The following MEGF11 variants were observed in gnomAD, a reference collection of about 807,000 sequenced individuals.
MEGF11 encodes the protein multiple epidermal growth factor-like domains protein 11.
Under a neutral mutation model 146.6 loss-of-function variants are expected in MEGF11, and 126 were observed. The ratio of observed to expected loss-of-function variants is 0.86; its 90% CI spans 0.74 to 1.00. The LOEUF is 1.00. Ranked by LOEUF, MEGF11 falls within the 50% of genes least tolerant of loss-of-function variation. The pLI is 0.00. For synonymous variants in MEGF11, 532 were observed against 583.4 expected (o/e 0.91, Z 1.27); for missense variants, 1,509 against 1,521.2 (o/e 0.99, Z 0.13).
Position 65,915,565 on chromosome 15 carries a change from T to C in MEGF11, c.2378A>G (p.Gln793Arg). The change falls in exon 19 of 26, where the codon CAG becomes CGG. Residue 793 changes from glutamine (Q) to arginine (R), a missense_variant. Transcript: ENST00000395614. Reference sequence around the variant, plus strand: ...GTTGTTCATGCACTCACATAGCTGCTGACACCCATAGCCAAAGGTTCCTGG... The same window carrying C: ...GTTGTTCATGCACTCACATAGCTGCCGACACCCATAGCCAAAGGTTCCTGG... The part of the protein sequence containing the change: ...CAPGTFGYGC[Q>R]QLCECMNNST... The C allele has an allele frequency of 1.9e-6, 3 of 1,613,988 alleles. No individual in the cohort carries two copies. Among genetic ancestry groups the C allele is most frequent in the Non-Finnish European group, 2.5e-6 (3 of 1,179,890 alleles).
intron 4 of MEGF11, among the ~76,000 whole-genome samples, chr15:66,112,132 T>A (rs1419096102): frequency 6.8e-6 from 1 of 147,266 alleles, no homozygotes; most frequent in East Asian, 2.0e-4. Flanking sequence ...TAATGGAGAA[T>A]CAGCAGGCTC....
intron 10 of MEGF11, among the ~76,000 whole-genome samples, chr15:65,945,907 C>T (rs1437036512): frequency 6.6e-6 from 1 of 152,204 alleles, no homozygotes; most frequent in East Asian, 1.9e-4. Flanking sequence ...GACTATGCAA[C>T]CTGACTATTG....
chr15:65,995,846 C>T (rs74334280), intron 5 of MEGF11, among the ~76,000 whole-genome samples: 8,902 of 152,206 alleles, frequency 0.058, 314 homozygotes, highest in African/African-American at 0.066. Flanking sequence ...TCAGGACGTC[C>T]AGGGCAGTGG....
At chr15:66,098,508 C>T (rs924202646) in intron 4 of MEGF11, among the ~76,000 whole-genome samples, 8 of 152,202 alleles carry the variant, frequency 5.3e-5, no homozygotes, top group African/African-American at 1.4e-4. Flanking sequence ...ACAACTTCCA[C>T]GCCCCCTGGC....
chr15:66,068,055 TA>T (rs2085207545), intron 5 of MEGF11, among the ~76,000 whole-genome samples: 1 of 152,188 alleles, frequency 6.6e-6, no homozygotes. Flanking sequence ...TAATAGTTTT[TA>T]AGGGTTGTTG....
At chr15:66,210,972 G>A (rs2091430728) in intron 1 of MEGF11, among the ~76,000 whole-genome samples, 1 of 152,164 alleles carries the variant, frequency 6.6e-6, no homozygotes, top group South Asian at 2.1e-4. Context: ...TACGGTGTCA[G>A]CCCTGCCACA....
intron 5 of MEGF11, among the ~76,000 whole-genome samples, chr15:65,998,832 C>T (rs572715285): frequency 1.3e-5 from 2 of 152,106 alleles, no homozygotes; most frequent in African/African-American, 2.4e-5. Context: ...TGACCTCAGG[C>T]GTGGCCCACA....
chr15:66,194,941 T>C (rs2090973028), intron 1 of MEGF11, among the ~76,000 whole-genome samples: 1 of 152,204 alleles, frequency 6.6e-6, no homozygotes, highest in Non-Finnish European at 1.5e-5. Flanking sequence ...TTGCTGCTCT[T>C]GCCAACCAGG....
At chr15:66,043,671 C>A (rs561920958) in intron 5 of MEGF11, among the ~76,000 whole-genome samples, 1 of 152,334 alleles carries the variant, frequency 6.6e-6, no homozygotes, top group Admixed American at 6.5e-5. Context: ...TCTTTAGAAG[C>A]TGTAATGGGG....
At chr15:66,161,672 G>A (rs1396575691) in intron 1 of MEGF11, among the ~76,000 whole-genome samples, 2 of 152,136 alleles carry the variant, frequency 1.3e-5, no homozygotes, top group African/African-American at 2.4e-5. Context: ...GGGGATTACA[G>A]TCATGAGCCA....
intron 1 of MEGF11, among the ~76,000 whole-genome samples, chr15:66,180,395 T>C (rs565050170): frequency 1.3e-5 from 2 of 152,324 alleles, no homozygotes; most frequent in East Asian, 1.9e-4. Context: ...GGAACCTCAA[T>C]GCCACACACA....
In MEGF11 at chr15:65,982,200, C is replaced by T. The variant is rs1393845972; in HGVS notation, c.641+42G>A. ...CACCCAGGCACCCTCCAGGTCCCGC[C>T]CCTCCAGGTCCCGCCCCTCCAGGTC... On this transcript the variant is annotated intron_variant, in intron 6 of 25. Transcript: ENST00000395614. This position sits in a 1 kb window ranked among gnomAD's most constrained non-coding sequence, Gnocchi z 5.6. 1 of 1,524,456 alleles carries T rather than the reference C, an allele frequency of 6.6e-7. No individual in the cohort carries two copies. The highest frequency in any genetic ancestry group is 2.5e-5 in the East Asian group (1 of 40,396). 94.4% of individuals were successfully genotyped at this position (1,524,456 alleles called of 1,614,324 possible).
chr15:66,155,245 C>T (rs1383830035), intron 1 of MEGF11, among the ~76,000 whole-genome samples: 1 of 141,274 alleles, frequency 7.1e-6, no homozygotes. Context: ...GGGAGACACA[C>T]ATGGTGATGC....
chr15:66,137,917 G>A (rs1456766777), intron 1 of MEGF11, among the ~76,000 whole-genome samples: 1 of 152,070 alleles, frequency 6.6e-6, no homozygotes. Context: ...AAACCAGCCA[G>A]GCACAGTGAT....
At chr15:66,098,944 T>C (rs947220726) in intron 4 of MEGF11, among the ~76,000 whole-genome samples, 2 of 152,216 alleles carry the variant, frequency 1.3e-5, no homozygotes, top group African/African-American at 4.8e-5. Flanking sequence ...GTCCCCTCCA[T>C]AGCCAGGAAG....
intron 5 of MEGF11, among the ~76,000 whole-genome samples, chr15:66,029,323 T>C (rs948746975): frequency 5.9e-5 from 9 of 152,172 alleles, no homozygotes; most frequent in South Asian, 2.1e-4. Flanking sequence ...TCTTCTCTGC[T>C]GGAGCCTTGC....
At chr15:66,249,691 C>G (rs1213192947) in intron 1 of MEGF11, among the ~76,000 whole-genome samples, 1 of 152,200 alleles carries the variant, frequency 6.6e-6, no homozygotes, top group East Asian at 1.9e-4. Flanking sequence ...TTCCCTTGTT[C>G]TACCACATTG....
chr15:66,062,755 C>T (rs1259259696), intron 5 of MEGF11, among the ~76,000 whole-genome samples: 1 of 152,152 alleles, frequency 6.6e-6, no homozygotes, highest in Non-Finnish European at 1.5e-5. Context: ...ACATAGTGAG[C>T]TTTGTAGATA....
intron 1 of MEGF11, among the ~76,000 whole-genome samples, chr15:66,173,079 G>T (rs2090304575): frequency 6.6e-6 from 1 of 152,164 alleles, no homozygotes; most frequent in Non-Finnish European, 1.5e-5. Flanking sequence ...CTCCTCCACA[G>T]CACGTTCCAG....
Sources: allele counts gnomAD v4.1 joint callset (sites outside exome capture counted in the v4.1 genomes callset), GRCh38; gene constraint gnomAD v4.1.1; non-coding constraint Gnocchi (gnomAD v3.1); transcripts MANE v1.5; gene names NCBI Gene and HGNC (gene_info 2026-07-23, HGNC 2026-07-21).